Variants in DZIP3 observed in about 807,000 individuals in gnomAD.
DZIP3 encodes the protein E3 ubiquitin-protein ligase DZIP3.
Under a neutral mutation model 162.0 loss-of-function variants are expected in DZIP3, and 118 were observed. That is an observed-to-expected ratio of 0.73 (90% confidence interval 0.63 to 0.85). DZIP3 has a LOEUF of 0.85. Among genes scored for constraint, DZIP3 ranks in the 40% least tolerant of loss-of-function variants. DZIP3 has a pLI of 0.00. For missense variants in DZIP3, 1,331 were observed against 1,407.0 expected (o/e 0.95, Z 0.86); for synonymous variants, 438 against 458.6 (o/e 0.96, Z 0.57).
intron 22 of DZIP3, among the ~76,000 whole-genome samples, chr3:108,672,047 A>G (rs892983967): frequency 6.6e-6 from 1 of 151,934 alleles, no homozygotes; most frequent in African/African-American, 2.4e-5. Context: ...CCTCTTCCTC[A>G]TAGACAGCCG....
At chr3:108,686,640 C>A in intron 28 of DZIP3, 56 bp downstream of exon 28, 1 of 1,407,550 alleles carries the variant, frequency 7.1e-7, no homozygotes, top group Admixed American at 2.7e-5. Context: ...GTTTTCATAG[C>A]CATAATTGTG....
At position 108,624,490 on chromosome 3, in the gene DZIP3, A is replaced by G. The variant is rs1274788144; in HGVS notation, c.422A>G (p.Tyr141Cys). 3 of 1,597,898 alleles carry G rather than the reference A, an allele frequency of 1.9e-6. No individual in the cohort carries two copies. The highest frequency in any genetic ancestry group is 2.6e-6 in the Non-Finnish European group (3 of 1,169,288). ...TATTATTTGACATTACTGTTTTTAT[A>G]TGGAGTAGCACTCACTGAAAGAGGA... ...IGYYLTLLFL[Y>C]GVALTERGKK... Residue 141 changes from tyrosine (Y) to cysteine (C), a missense_variant, in exon 6 of 33, where the codon TAT becomes TGT. Physicochemically the swap from Tyr to Cys is radical, Grantham distance 194. This residue lies in a region of DZIP3 where 1,278 missense variants were observed against 1,317.1 expected (regional missense o/e 0.97). Coordinates refer to ENST00000361582, the MANE Select transcript of DZIP3 (RefSeq NM_014648.4).
Position 108,654,326 on chromosome 3 carries a change from G to A in DZIP3, c.2199+16G>A. 6.2e-7 allele frequency: 1 copy of A among 1,613,138 alleles called. No individual in the cohort carries two copies. The highest frequency in any genetic ancestry group is 8.5e-7 in the Non-Finnish European group (1 of 1,179,376). Reference sequence around the variant, plus strand: ...GATAGAGCAGGTAAGCATGATTAGAGAGGGTGCCTGCCTTCTCTTATTGTT... The same window carrying A: ...GATAGAGCAGGTAAGCATGATTAGAAAGGGTGCCTGCCTTCTCTTATTGTT... On this transcript the variant is annotated intron_variant, in intron 19 of 32. Coordinates refer to ENST00000361582, the MANE Select transcript of DZIP3 (RefSeq NM_014648.4).
rs145156031 is a variant in DZIP3, at chr3:108,691,000, G to A, written c.*6+97G>A. On this transcript the variant is annotated intron_variant, in intron 32 of 32. Transcript: ENST00000361582. The stretch of plus-strand genomic sequence containing the variant: ...ATGTGCTCTTCAATATAGTGCTAAA[G>A]AAGCCAGCTAATTTTATCAAAGCAG... 4.2e-6 allele frequency: 4 copies of A among 944,432 alleles called. No homozygotes were observed. The African/African-American group carries it at 5.0e-5, about 12-fold the overall frequency. 58.5% of individuals were successfully genotyped at this position (944,432 alleles called of 1,614,324 possible).
intron 4 of DZIP3, among the ~76,000 whole-genome samples, chr3:108,616,070 C>G (rs950536703): frequency 6.6e-6 from 1 of 152,148 alleles, no homozygotes; most frequent in Non-Finnish European, 1.5e-5. Context: ...CAAGACCATC[C>G]TAGCTAAAAT....
intron 1 of DZIP3, among the ~76,000 whole-genome samples, chr3:108,592,065 C>T (rs1283164477): frequency 3.3e-5 from 5 of 151,968 alleles, no homozygotes; most frequent in Middle Eastern, 3.4e-3. Context: ...TCTTGAAGTC[C>T]GTGGCAATCT....
Position 108,686,522 on chromosome 3 carries a change from C to T in DZIP3, c.3087C>T (p.Pro1029=), listed in dbSNP as rs759216236. Residue 1029 remains proline (P), a synonymous_variant, in exon 28 of 33, where the codon CCC becomes CCT. Coordinates refer to ENST00000361582, the MANE Select transcript of DZIP3 (RefSeq NM_014648.4). The part of the protein sequence containing the change: ...VPPSAGLRSD[P]SIMNWERITD... ...CCAGTGCAGGTCTGCGGAGTGATCC[C>T]TCCATCATGAATTGGGAGAGAATTA... 1.2e-6 allele frequency: 2 copies of T among 1,612,394 alleles called. No individual in the cohort carries two copies. The highest frequency in any genetic ancestry group is 1.7e-6 in the Non-Finnish European group (2 of 1,179,560).
chr3:108,625,288 A>G (rs140127243), intron 6 of DZIP3, among the ~76,000 whole-genome samples: 12 of 152,270 alleles, frequency 7.9e-5, no homozygotes, highest in Non-Finnish European at 1.3e-4. Context: ...GTTTATATCT[A>G]TGGGCAACAA....
intron 1 of DZIP3, among the ~76,000 whole-genome samples, chr3:108,602,144 A>G (rs1940055350): frequency 6.6e-6 from 1 of 152,194 alleles, no homozygotes; most frequent in South Asian, 2.1e-4. Context: ...GTGCCTATAT[A>G]CAGTTTAGGA....
chr3:108,661,548 A>C (rs1468099072), intron 19 of DZIP3, among the ~76,000 whole-genome samples: 2 of 152,150 alleles, frequency 1.3e-5, no homozygotes, highest in African/African-American at 2.4e-5. Flanking sequence ...TGACGAGTTA[A>C]TGGGTGCAGC....
In DZIP3 at chr3:108,656,824, C is replaced by A. The variant is rs1019734925; in HGVS notation, c.2199+2514C>A. ...CCTGATGGAGCTGAAAACCACAGCA[C>A]AAGAACTATGTGACGAATGCACAAG... On this transcript the variant is annotated intron_variant, in intron 19 of 32. Coordinates refer to ENST00000361582, the MANE Select transcript of DZIP3 (RefSeq NM_014648.4). Among the ~76,000 whole-genome samples, 16 of 152,210 alleles carry A rather than the reference C, an allele frequency of 1.1e-4. No individual in the cohort carries two copies. In the East Asian group the frequency reaches 3.1e-3, roughly 29 times the overall value.
intron 13 of DZIP3, among the ~76,000 whole-genome samples, chr3:108,642,773 G>C (rs1942458114): frequency 6.6e-6 from 1 of 152,158 alleles, no homozygotes; most frequent in Non-Finnish European, 1.5e-5. Flanking sequence ...TATACCGTGG[G>C]ATTGTGTTCC....
intron 5 of DZIP3, among the ~76,000 whole-genome samples, chr3:108,621,462 T>C (rs1044742409): frequency 6.6e-6 from 1 of 152,216 alleles, no homozygotes; most frequent in Non-Finnish European, 1.5e-5. Flanking sequence ...CTGTTTCTTA[T>C]TTTAAAATGT....
chr3:108,684,313 C>T lies in DZIP3; in HGVS notation c.2981C>T (p.Ser994Phe). 1.2e-6 allele frequency: 2 copies of T among 1,613,238 alleles called. No individual in the cohort carries two copies. Among genetic ancestry groups the T allele is most frequent in the Non-Finnish European group, 1.7e-6 (2 of 1,179,606 alleles). ...QMPAVCPGVVSATGQPRAPLM... is the reference protein window; with the variant it reads ...QMPAVCPGVVFATGQPRAPLM... The stretch of plus-strand genomic sequence containing the variant: ...CCTGCAGTTTGCCCGGGAGTCGTCT[C>T]TGCAACTGGCCAACCTAGAGCCCCC... Residue 994 changes from serine (S) to phenylalanine (F), a missense_variant, in exon 27 of 33, where the codon TCT (serine) becomes TTT (phenylalanine). Physicochemically the swap from Ser to Phe is radical, Grantham distance 155. This residue lies in a region of DZIP3 where 1,278 missense variants were observed against 1,317.1 expected (regional missense o/e 0.97). Transcript: ENST00000361582.
intron 1 of DZIP3, among the ~76,000 whole-genome samples, chr3:108,604,677 G>A (rs2107475395): frequency 6.6e-6 from 1 of 152,170 alleles, no homozygotes; most frequent in East Asian, 1.9e-4. Flanking sequence ...TTATGGAGAT[G>A]TAGAATCATG....
intron 1 of DZIP3, chr3:108,602,763 C>G (rs1940099778): frequency 6.6e-6 from 1 of 152,206 alleles, no homozygotes; most frequent in Non-Finnish European, 1.5e-5. Context: ...GGCACTTCGC[C>G]TTTCTCGCAA....
Position 108,694,788 on chromosome 3 carries a change from T to TA in DZIP3, c.*1436dup, listed in dbSNP as rs1480764190. The TA allele has an allele frequency of 6.6e-6, 1 of 152,232 alleles. No homozygotes were observed. The highest frequency in any genetic ancestry group is 2.4e-5 in the African/African-American group (1 of 41,462). The allele number at this position is 152,232 out of a possible 1,614,324, so 9.4% of individuals were successfully genotyped here. A position where few individuals can be genotyped will look rare whatever the true frequency, so the allele number is the denominator to read the frequency against. On this transcript the variant is annotated 3_prime_UTR_variant, in exon 33 of 33. Transcript: ENST00000361582. ...AAACCAATGTTTCTTAGTTCATACT[T>TA]ACAACTGCAATTTCACTTTCATTTA...
At chr3:108,615,258 G>A (rs540736833) in intron 4 of DZIP3, among the ~76,000 whole-genome samples, 10 of 152,186 alleles carry the variant, frequency 6.6e-5, no homozygotes, top group African/African-American at 1.7e-4. Context: ...ATCTTGTCCC[G>A]TTGTTTTAGT....
intron 1 of DZIP3, among the ~76,000 whole-genome samples, chr3:108,590,922 AAAC>A (rs1244256570): frequency 2.6e-5 from 4 of 152,246 alleles, no homozygotes; most frequent in African/African-American, 9.6e-5. Context: ...TCAGTGAAAA[AAAC>A]AAAAATACTA....
Sources: gnomAD v4.1 joint callset for allele counts (sites outside exome capture counted in the v4.1 genomes callset) on GRCh38, gnomAD v4.1.1 for gene constraint, gnomAD v4.1.1 regional missense constraint, MANE v1.5 for transcripts, NCBI Gene and HGNC (gene_info 2026-07-23, HGNC 2026-07-21) for gene names.